The following PIGL variants were observed in gnomAD, a reference collection of about 807,000 sequenced individuals.
The protein encoded by PIGL is phosphatidylinositol glycan anchor biosynthesis class L, also known as N-acetylglucosaminyl-phosphatidylinositol de-N-acetylase.
PIGL carries 22 observed loss-of-function variants against 31.1 expected under a neutral mutation model. That is an observed-to-expected ratio of 0.71 (90% CI 0.51 to 1.01). The LOEUF is 1.01. Among genes scored for constraint, PIGL ranks in the 50% least tolerant of loss-of-function variants. PIGL has a pLI of 0.00. For synonymous variants in PIGL, 131 were observed against 117.4 expected, an observed-to-expected ratio of 1.12 and a Z score of -0.75; for missense variants, 302 against 315.9, an observed-to-expected ratio of 0.96 and a Z score of 0.33.
At chr17:16,243,655 G>A (rs189099099) in intron 2 of PIGL, among the ~76,000 whole-genome samples, 24 of 152,284 alleles carry the variant, frequency 1.6e-4, no homozygotes, top group Non-Finnish European at 2.6e-4. Flanking sequence ...CGTAAACCTC[G>A]AAAGATACAT....
At chr17:16,258,103 A>AGAGAGAGAGAGAG (rs2092803342) in intron 2 of PIGL, among the ~76,000 whole-genome samples, 4 of 65,700 alleles carry the variant, frequency 6.1e-5, no homozygotes, top group African/African-American at 1.5e-4. Flanking sequence ...GAGAGAGAGA[A>AGAGAGAGAGAGAG]AGAGAGAGAG....
intron 2 of PIGL, among the ~76,000 whole-genome samples, chr17:16,299,441 C>T (rs998320160): frequency 6.6e-6 from 1 of 152,030 alleles, no homozygotes; most frequent in African/African-American, 2.4e-5. Flanking sequence ...GAGACTCCAT[C>T]TCAAAAAGAA....
chr17:16,303,294 T>C (rs755945756), intron 3 of PIGL, among the ~76,000 whole-genome samples: 23 of 152,146 alleles, frequency 1.5e-4, no homozygotes, highest in Admixed American at 3.9e-4. Context: ...CTAAGGCCTG[T>C]GAAGGCCAAG....
In PIGL at chr17:16,217,344, GA is replaced by G; in HGVS notation, c.121del (p.Ser41AlafsTer7). 1 of 1,614,196 alleles carries G rather than the reference GA, an allele frequency of 6.2e-7. No homozygotes were observed. The highest frequency in any genetic ancestry group is 2.2e-5 in the East Asian group (1 of 44,884). ...SREQGGRLGAESRTLLVIAHP... is the reference protein window; with the variant it reads ...SREQGGRLGAXSRTLLVIAHP... ...GGAGCAGGGAGGACGGCTGGGAGCC[GA>G]AAGCCGGACCCTGCTGGTCATAGCG... On this transcript the variant is annotated frameshift_variant, in exon 1 of 7. Transcript: ENST00000225609. LOFTEE classifies it high-confidence loss of function.
Position 16,265,471 on chromosome 17 carries a change from G to A in PIGL, c.335+31401G>A, listed in dbSNP as rs566547623. Among the ~76,000 whole-genome samples, 5 of 152,190 alleles carry A rather than the reference G, an allele frequency of 3.3e-5. No homozygotes were observed. In the East Asian group the frequency reaches 7.7e-4, roughly 24 times the overall value. ...GAATCAGGGAAACCAGACCAGGCGC[G>A]GTGGCTCATGCCTGTAATCCCAGCA... On this transcript the variant is annotated intron_variant, in intron 2 of 6. Transcript: ENST00000225609.
intron 2 of PIGL, among the ~76,000 whole-genome samples, chr17:16,257,800 T>C (rs963818217): frequency 2.0e-5 from 3 of 151,678 alleles, no homozygotes; most frequent in Non-Finnish European, 2.9e-5. Flanking sequence ...CACGGTGGCT[T>C]ATGCCTGTAA....
intron 2 of PIGL, among the ~76,000 whole-genome samples, chr17:16,274,200 G>A (rs1025226286): frequency 2.6e-5 from 4 of 152,164 alleles, no homozygotes; most frequent in African/African-American, 9.7e-5. Context: ...GTCAAGTGTG[G>A]AAGTCAGGAC....
intron 1 of PIGL, 102 bp from the exon 2 acceptor site, chr17:16,233,869 C>T (rs2092688769): frequency 1.6e-6 from 1 of 638,476 alleles, no homozygotes; most frequent in South Asian, 2.0e-5. Flanking sequence ...TTTCAGGCAG[C>T]TTAAATCCTT....
rs755792448 is a variant in PIGL, at chr17:16,217,404, A to G, written c.178A>G (p.Thr60Ala). ...CGATGAAGCCATGTTTTTTGCTCCCACAGTGCTAGGCTTGGCCCGCCTAAG... is the reference window on the plus strand; with the variant it reads ...CGATGAAGCCATGTTTTTTGCTCCCGCAGTGCTAGGCTTGGCCCGCCTAAG... Reference protein sequence around the residue: ...PDDEAMFFAPTVLGLARLRHW... With the variant: ...PDDEAMFFAPAVLGLARLRHW... Residue 60 changes from threonine (T) to alanine (A), a missense_variant, in exon 1 of 7, where the codon ACA becomes GCA. Thr to Ala is a moderately conservative substitution (Grantham distance 58). Transcript: ENST00000225609. 3 of 1,614,176 alleles carry G rather than the reference A, an allele frequency of 1.9e-6. No individual in the cohort carries two copies. Among genetic ancestry groups the G allele is most frequent in the Non-Finnish European group, 2.5e-6 (3 of 1,180,042 alleles).
intron 1 of PIGL, among the ~76,000 whole-genome samples, chr17:16,224,938 G>A (rs2092645507): frequency 6.6e-6 from 1 of 152,206 alleles, no homozygotes; most frequent in African/African-American, 2.4e-5. Flanking sequence ...TTACAGGCGT[G>A]AGCCACAGTG....
chr17:16,293,269 A>C (rs1456940068), intron 2 of PIGL, among the ~76,000 whole-genome samples: 1 of 152,254 alleles, frequency 6.6e-6, no homozygotes, highest in Non-Finnish European at 1.5e-5. Context: ...TCACGCCTGT[A>C]ATCCCAGCAC....
At chr17:16,267,639 G>A (rs1280079338) in intron 2 of PIGL, among the ~76,000 whole-genome samples, 2 of 151,152 alleles carry the variant, frequency 1.3e-5, no homozygotes, top group African/African-American at 2.4e-5. Flanking sequence ...AGACTGCAGT[G>A]GGCTATGATG....
intron 2 of PIGL, among the ~76,000 whole-genome samples, chr17:16,258,792 C>T (rs779345724): frequency 2.6e-5 from 4 of 152,142 alleles, no homozygotes; most frequent in Admixed American, 1.3e-4. Context: ...TGAGCCACCA[C>T]GTCCAGCCTG....
At chr17:16,310,457 T>G (rs1292075246) in intron 3 of PIGL, among the ~76,000 whole-genome samples, 2 of 152,108 alleles carry the variant, frequency 1.3e-5, no homozygotes, top group Non-Finnish European at 2.9e-5. Flanking sequence ...ACAGATGAGC[T>G]CTCCAGACCC....
intron 6 of PIGL, among the ~76,000 whole-genome samples, chr17:16,318,353 C>T (rs896489847): frequency 1.3e-5 from 2 of 151,748 alleles, no homozygotes; most frequent in African/African-American, 4.8e-5. Flanking sequence ...TCACTGCAAC[C>T]TCCGCCTCCT....
intron 1 of PIGL, among the ~76,000 whole-genome samples, chr17:16,223,158 T>A (rs970819619): frequency 1.3e-5 from 2 of 152,186 alleles, no homozygotes; most frequent in African/African-American, 2.4e-5. Flanking sequence ...TTTGACTTGG[T>A]TTAATCCAGT....
At chr17:16,228,284 C>G (rs1468972554) in intron 1 of PIGL, among the ~76,000 whole-genome samples, 2 of 151,848 alleles carry the variant, frequency 1.3e-5, no homozygotes, top group African/African-American at 4.8e-5. Context: ...TCTTGAACTC[C>G]TGACCTGAGG....
chr17:16,245,266 C>T (rs963560893), intron 2 of PIGL, among the ~76,000 whole-genome samples: 56 of 152,080 alleles, frequency 3.7e-4, no homozygotes, highest in African/African-American at 1.3e-3. Context: ...GCTGGGATTA[C>T]AGGCGCCTGC....
intron 2 of PIGL, among the ~76,000 whole-genome samples, chr17:16,238,291 TACTA>T (rs1396542369): frequency 6.6e-6 from 1 of 151,590 alleles, no homozygotes; most frequent in Non-Finnish European, 1.5e-5. Context: ...TCAAAACTAA[TACTA>T]AATACAATAT....
Sources: gnomAD v4.1 joint callset for allele counts (sites outside exome capture counted in the v4.1 genomes callset) on GRCh38, gnomAD v4.1.1 for gene constraint, MANE v1.5 for transcripts, NCBI Gene and HGNC (gene_info 2026-07-23, HGNC 2026-07-21) for gene names.